Variants in GALNTL6 observed in about 807,000 individuals in gnomAD.
GALNTL6 encodes the protein polypeptide N-acetylgalactosaminyltransferase like 6, also known as polypeptide N-acetylgalactosaminyltransferase-like 6.
In GALNTL6, 46 loss-of-function variants were observed where a neutral mutation model predicts 73.7. The ratio of observed to expected loss-of-function variants is 0.62; its 90% confidence interval spans 0.49 to 0.80. The LOEUF is 0.80. Ranked by LOEUF, GALNTL6 falls within the 30% of genes least tolerant of loss-of-function variation. GALNTL6 has a pLI of 0.00. For synonymous variants in GALNTL6, 259 were observed against 263.7 expected, an observed-to-expected ratio of 0.98 and a Z score of 0.17; for missense variants, 604 against 755.0, an observed-to-expected ratio of 0.80 and a Z score of 2.34.
intron 5 of GALNTL6, among the ~76,000 whole-genome samples, chr4:172,561,121 C>T (rs1228752534): frequency 6.6e-6 from 1 of 151,320 alleles, no homozygotes; most frequent in Non-Finnish European, 1.5e-5. Flanking sequence ...GGCGCGGTGG[C>T]GGGCGCCTGT....
In GALNTL6 at chr4:171,970,016, C is replaced by T. The variant is rs1025637465; in HGVS notation, c.138+155298C>T. On this transcript the variant is annotated intron_variant, in intron 2 of 12. Transcript: ENST00000506823. ...GAACTCCTGACCTCAGGTGATCCAC[C>T]CTCCTTGGCCTCCCAAAGTGCTGGA... Among the ~76,000 whole-genome samples the T allele has an allele frequency of 2.6e-5, 4 of 152,232 alleles. No homozygotes were observed. The South Asian group carries it at 8.3e-4, about 32-fold the overall frequency.
chr4:172,205,170 G>A (rs151004851), intron 2 of GALNTL6, among the ~76,000 whole-genome samples: 17 of 152,206 alleles, frequency 1.1e-4, no homozygotes, highest in East Asian at 3.9e-4. Flanking sequence ...TCATCTTTGC[G>A]CCTTTGGTAA....
intron 5 of GALNTL6, among the ~76,000 whole-genome samples, chr4:172,723,405 C>T (rs1386051760): frequency 6.6e-6 from 1 of 152,180 alleles, no homozygotes; most frequent in Non-Finnish European, 1.5e-5. Flanking sequence ...TATTTAACCT[C>T]ATGGGTTTCC....
At chr4:172,288,535 A>G (rs1369565222) in intron 3 of GALNTL6, among the ~76,000 whole-genome samples, 2 of 152,198 alleles carry the variant, frequency 1.3e-5, no homozygotes, top group Non-Finnish European at 2.9e-5. Flanking sequence ...AATATGGAAT[A>G]ATTATTTAAT....
At chr4:172,514,131 A>G (rs1316130680) in intron 5 of GALNTL6, among the ~76,000 whole-genome samples, 2 of 152,106 alleles carry the variant, frequency 1.3e-5, no homozygotes, top group Non-Finnish European at 2.9e-5. Context: ...ATAAGTACTC[A>G]GGTTTCTCAG....
At position 172,453,203 on chromosome 4, in the gene GALNTL6, G is replaced by GA. The variant is rs374344999; in HGVS notation, c.553+104528dup. On this transcript the variant is annotated intron_variant, in intron 5 of 12. Transcript: ENST00000506823. ...GGTGACAGCACAAGACTCTGTCTCAGAAAAAAAAAAAAAAGATGTGCAATG... is the reference window on the plus strand; with the variant it reads ...GGTGACAGCACAAGACTCTGTCTCAGAAAAAAAAAAAAAAAGATGTGCAATG... 3.9e-3 allele frequency among the ~76,000 whole-genome samples: 497 copies of GA among 128,676 alleles called. 3 individuals carry two copies. The highest frequency in any genetic ancestry group is 8.3e-3 in the Middle Eastern group (2 of 240). 84.4% of individuals were successfully genotyped at this position (128,676 alleles called of 152,430 possible).
intron 2 of GALNTL6, among the ~76,000 whole-genome samples, chr4:172,191,455 G>GT (rs1282611507): frequency 6.6e-5 from 10 of 152,052 alleles, no homozygotes; most frequent in Non-Finnish European, 1.0e-4. Flanking sequence ...TCTTTGCTGG[G>GT]TAAAGCATTA....
chr4:172,608,021 T>C (rs1229166196), intron 5 of GALNTL6, among the ~76,000 whole-genome samples: 1 of 152,226 alleles, frequency 6.6e-6, no homozygotes, highest in Admixed American at 6.5e-5. Context: ...AAGTTCCTTC[T>C]GGATCCTAGA....
At chr4:172,912,030 T>C (rs572261222) in intron 8 of GALNTL6, among the ~76,000 whole-genome samples, 1 of 152,264 alleles carries the variant, frequency 6.6e-6, no homozygotes, top group East Asian at 1.9e-4. Context: ...ACAAGAAAAA[T>C]GAAATATAAT....
chr4:171,986,496 A>G (rs1333021598), intron 2 of GALNTL6, among the ~76,000 whole-genome samples: 2 of 152,140 alleles, frequency 1.3e-5, no homozygotes, highest in Non-Finnish European at 2.9e-5. Context: ...TAAGAAAAAT[A>G]AAATGAAATA....
At chr4:172,804,846 C>A (rs1870436) in intron 5 of GALNTL6, among the ~76,000 whole-genome samples, 8,432 of 152,186 alleles carry the variant, frequency 0.055, 404 homozygotes, top group African/African-American at 0.13. Flanking sequence ...CAGATGGATC[C>A]CATAGTGACC....
At chr4:172,845,216 CAAAAAA>C (rs11336973) in intron 7 of GALNTL6, among the ~76,000 whole-genome samples, 1 of 91,038 alleles carries the variant, frequency 1.1e-5, no homozygotes, top group African/African-American at 3.8e-5. Flanking sequence ...GTCTCTGTCT[CAAAAAA>C]AAAAAAAAAA....
intron 5 of GALNTL6, among the ~76,000 whole-genome samples, chr4:172,393,681 C>T (rs955013046): frequency 3.3e-5 from 5 of 152,184 alleles, no homozygotes; most frequent in Admixed American, 6.5e-5. Context: ...GTGGCAGCCC[C>T]ACCAGTGATC....
chr4:172,060,824 G>A (rs1731176797), intron 2 of GALNTL6, among the ~76,000 whole-genome samples: 1 of 152,062 alleles, frequency 6.6e-6, no homozygotes, highest in African/African-American at 2.4e-5. Context: ...TGGCTAATAC[G>A]TACAATGGAA....
intron 2 of GALNTL6, among the ~76,000 whole-genome samples, chr4:172,138,490 TATATATATATATATATA>T (rs1733700938): frequency 1.5e-4 from 1 of 6,580 alleles, no homozygotes; most frequent in African/African-American, 3.8e-4. Flanking sequence ...TATATATATA[TATATATATATATATATA>T]TATATATTTT....
intron 5 of GALNTL6, among the ~76,000 whole-genome samples, chr4:172,497,396 C>T (rs1734101631): frequency 6.6e-6 from 1 of 152,140 alleles, no homozygotes; most frequent in South Asian, 2.1e-4. Flanking sequence ...ATCAAAATTA[C>T]CTGATGATTT....
At chr4:172,714,457 C>T (rs1478394486) in intron 5 of GALNTL6, among the ~76,000 whole-genome samples, 1 of 152,036 alleles carries the variant, frequency 6.6e-6, no homozygotes, top group Non-Finnish European at 1.5e-5. Flanking sequence ...ACCTACCTGA[C>T]AGAGTAAGAA....
At chr4:171,823,601 A>G (rs1475551475) in intron 2 of GALNTL6, among the ~76,000 whole-genome samples, 1 of 151,224 alleles carries the variant, frequency 6.6e-6, no homozygotes, top group Non-Finnish European at 1.5e-5. Flanking sequence ...ATATATATAT[A>G]TATTATAGAT....
intron 3 of GALNTL6, among the ~76,000 whole-genome samples, chr4:172,245,166 A>G (rs1353063356): frequency 1.3e-5 from 2 of 152,156 alleles, no homozygotes; most frequent in Non-Finnish European, 2.9e-5. Context: ...TCTTTTGCCC[A>G]ATTTTATTTT....
Sources: gnomAD v4.1 joint callset for allele counts (sites outside exome capture counted in the v4.1 genomes callset) on GRCh38, gnomAD v4.1.1 for gene constraint, MANE v1.5 for transcripts, NCBI Gene and HGNC (gene_info 2026-07-23, HGNC 2026-07-21) for gene names.